The following STARD13 variants were observed in gnomAD, a reference collection of about 807,000 sequenced individuals.
STARD13 encodes the protein StAR related lipid transfer domain containing 13.
A neutral mutation model predicts 106.4 loss-of-function variants in STARD13; 62 were observed. That is an observed-to-expected ratio of 0.58 (90% confidence interval 0.48 to 0.72). The LOEUF (loss-of-function observed/expected upper bound fraction) is 0.72, where lower values mean the gene tolerates loss of function less well. Among genes scored for constraint, STARD13 ranks in the 30% least tolerant of loss-of-function variants. The pLI, the probability that STARD13 is intolerant of heterozygous loss-of-function variation, is 0.00. For synonymous variants in STARD13, 565 were observed against 553.0 expected (o/e 1.02, Z -0.31); for missense variants, 1,387 against 1,424.0 (o/e 0.97, Z 0.42).
At chr13:33,411,163 ACTT>A in the STARD13 span, among the ~76,000 whole-genome samples, 1,701 of 152,308 alleles carry the variant, frequency 0.011, 23 homozygotes, top group African/African-American at 0.037. Flanking sequence ...ATTATACATA[ACTT>A]AATAGACATC....
chr13:33,270,624 C>G (rs948795626), intron 1 of STARD13, among the ~76,000 whole-genome samples: 1 of 152,134 alleles, frequency 6.6e-6, no homozygotes, highest in Non-Finnish European at 1.5e-5. Flanking sequence ...CAAACGTGCT[C>G]GAGAACCCAG....
chr13:33,488,226 C>G, the STARD13 span, among the ~76,000 whole-genome samples: 1 of 152,138 alleles, frequency 6.6e-6, no homozygotes, highest in African/African-American at 2.4e-5. Flanking sequence ...TGCCAAATCT[C>G]CATCTCCGCT....
At chr13:33,458,486 C>G in the STARD13 span, among the ~76,000 whole-genome samples, 1 of 152,102 alleles carries the variant, frequency 6.6e-6, no homozygotes, top group Non-Finnish European at 1.5e-5. Context: ...AATCTGGTTT[C>G]TCCTGGGTAG....
chr13:33,153,719 A>G (rs1411600510), intron 3 of STARD13, among the ~76,000 whole-genome samples: 1 of 152,240 alleles, frequency 6.6e-6, no homozygotes, highest in African/African-American at 2.4e-5. Context: ...TCTCGTGTTG[A>G]TTTAATGACC....
chr13:33,235,793 G>A (rs1475488350), intron 1 of STARD13, among the ~76,000 whole-genome samples: 1 of 152,268 alleles, frequency 6.6e-6, no homozygotes, highest in Non-Finnish European at 1.5e-5. Context: ...GTGGGGCACA[G>A]TGATCTGTGC....
the STARD13 span, among the ~76,000 whole-genome samples, chr13:33,390,842 T>A: frequency 1.3e-5 from 2 of 152,172 alleles, no homozygotes; most frequent in Non-Finnish European, 2.9e-5. Flanking sequence ...TCTAGATGCA[T>A]CGTTAAAAAT....
chr13:33,649,387 G>A, the STARD13 span, among the ~76,000 whole-genome samples: 3 of 152,076 alleles, frequency 2.0e-5, no homozygotes, highest in Admixed American at 2.0e-4. Context: ...TTCTCTGATA[G>A]TCTTAATCAC....
At position 33,246,459 on chromosome 13, in the gene STARD13, C is replaced by T. The variant is rs61941420; in HGVS notation, c.169+39011G>A. ...AGGAACAGACAAGCATCTTCTAAAA[C>T]CAGCCATTTGTTTCAACAATCACAC... is the stretch of plus-strand genomic sequence containing the variant. On this transcript the variant is annotated intron_variant, in intron 1 of 13. Coordinates refer to ENST00000336934, the MANE Select transcript of STARD13 (RefSeq NM_178006.4). Among the ~76,000 whole-genome samples, 774 of 152,274 alleles carry T rather than the reference C, an allele frequency of 5.1e-3. 1 individual carries two copies. The highest frequency in any genetic ancestry group is 8.0e-3 in the Non-Finnish European group (542 of 68,018).
chr13:33,439,784 T>C, the STARD13 span: 1 of 877,334 alleles, frequency 1.1e-6, no homozygotes, highest in Non-Finnish European at 1.6e-6. Flanking sequence ...GTGAAGAATA[T>C]TGAGTTTGAG....
At chr13:33,152,390 C>A (rs1450233381) in intron 3 of STARD13, among the ~76,000 whole-genome samples, 1 of 148,808 alleles carries the variant, frequency 6.7e-6, no homozygotes, top group Non-Finnish European at 1.5e-5. Flanking sequence ...GACACTATAC[C>A]TGCTAACCCC....
the STARD13 span, among the ~76,000 whole-genome samples, chr13:33,491,184 G>A: frequency 2.0e-5 from 3 of 152,170 alleles, no homozygotes; most frequent in Non-Finnish European, 4.4e-5. Flanking sequence ...AACAGACCTT[G>A]GAAAAATGCC....
At chr13:33,272,211 C>T (rs927869233) in intron 1 of STARD13, among the ~76,000 whole-genome samples, 2 of 152,178 alleles carry the variant, frequency 1.3e-5, no homozygotes, top group African/African-American at 4.8e-5. Context: ...AGAAGTGTTT[C>T]AGATTTGAGA....
the STARD13 span, among the ~76,000 whole-genome samples, chr13:33,495,977 TATA>T: frequency 1.4e-5 from 2 of 142,338 alleles, no homozygotes; most frequent in Non-Finnish European, 3.0e-5. Context: ...ATATAATTAT[TATA>T]ATAGATAGTG....
At chr13:33,636,137 C>T in the STARD13 span, among the ~76,000 whole-genome samples, 1 of 110,216 alleles carries the variant, frequency 9.1e-6, no homozygotes, top group Non-Finnish European at 1.7e-5. Flanking sequence ...GAGACTCTGT[C>T]TCAAAAAAAA....
chr13:33,671,941 T>C, the STARD13 span, among the ~76,000 whole-genome samples: 1 of 152,178 alleles, frequency 6.6e-6, no homozygotes, highest in Non-Finnish European at 1.5e-5. Context: ...AGTTCAACCA[T>C]TGTGGAAGAC....
chr13:33,137,334 G>GTC (rs1169789751), intron 4 of STARD13, among the ~76,000 whole-genome samples: 1 of 152,150 alleles, frequency 6.6e-6, no homozygotes, highest in African/African-American at 2.4e-5. Flanking sequence ...GCACCATAAG[G>GTC]TCTCTCTCTC....
chr13:33,547,971 T>TA, the STARD13 span, among the ~76,000 whole-genome samples: 1 of 152,196 alleles, frequency 6.6e-6, no homozygotes, highest in African/African-American at 2.4e-5. Flanking sequence ...TAAAAATATT[T>TA]AAAATGCCAT....
intron 1 of STARD13, among the ~76,000 whole-genome samples, chr13:33,326,699 T>C (rs1422060501): frequency 6.6e-6 from 1 of 152,224 alleles, no homozygotes; most frequent in East Asian, 1.9e-4. Context: ...CACCTCAAAG[T>C]GATTCTTTTG....
intron 1 of STARD13, among the ~76,000 whole-genome samples, chr13:33,273,605 T>C (rs1417851736): frequency 1.3e-5 from 2 of 152,244 alleles, no homozygotes; most frequent in Non-Finnish European, 2.9e-5. Flanking sequence ...CAGTCTTTCA[T>C]AGCTGAGGGA....
Sources: gnomAD v4.1 joint callset for allele counts (sites outside exome capture counted in the v4.1 genomes callset) on GRCh38, gnomAD v4.1.1 for gene constraint, MANE v1.5 for transcripts, NCBI Gene and HGNC (gene_info 2026-07-23, HGNC 2026-07-21) for gene names.